The following EVL variants were observed in gnomAD, a reference collection of about 807,000 sequenced individuals.
The protein encoded by EVL is ena/VASP-like protein.
In EVL, 21 loss-of-function variants were observed where a neutral mutation model predicts 59.6. The ratio of observed to expected loss-of-function variants is 0.35; its 90% CI spans 0.25 to 0.51. EVL has a LOEUF of 0.51. Ranked by LOEUF, EVL falls within the 20% of genes least tolerant of loss-of-function variation. The probability of loss-of-function intolerance (pLI) is 0.97; values close to 1 mark genes in which losing one functional copy is unlikely to be tolerated. For synonymous variants in EVL, 198 were observed against 203.5 expected (o/e 0.97, Z 0.23); for missense variants, 462 against 546.6 (o/e 0.85, Z 1.54).
intron 1 of EVL, among the ~76,000 whole-genome samples, chr14:100,012,381 T>C (rs1045126012): frequency 6.6e-6 from 1 of 152,230 alleles, no homozygotes; most frequent in African/African-American, 2.4e-5. Flanking sequence ...TATATATTTC[T>C]TTATTGAATG....
intron 1 of EVL, among the ~76,000 whole-genome samples, chr14:100,058,340 T>C (rs781765333): frequency 2.0e-5 from 3 of 152,240 alleles, no homozygotes; most frequent in Non-Finnish European, 4.4e-5. Context: ...TTAATATCAG[T>C]ATCCTGTGTG....
intron 1 of EVL, among the ~76,000 whole-genome samples, chr14:100,083,980 A>T (rs751160924): frequency 3.9e-5 from 6 of 151,934 alleles, no homozygotes; most frequent in Non-Finnish European, 5.9e-5. Flanking sequence ...AAAATGGAGA[A>T]TGGAGGTAAT....
rs571146445 is a variant in EVL at position 100,128,827 on chromosome 14, C to T, written c.717+79C>T. On this transcript the variant is annotated intron_variant, in intron 6 of 13. Coordinates refer to ENST00000392920, the MANE Select transcript of EVL (RefSeq NM_016337.3). The stretch of plus-strand genomic sequence containing the variant: ...TCTGCAGAGCGCTTGTGTTCCTTCC[C>T]GCATCTGCGAGACACAGCAAACTGC... 5.6e-5 allele frequency: 72 copies of T among 1,290,128 alleles called. No individual in the cohort carries two copies. The African/African-American group carries it at 6.9e-4, about 12-fold the overall frequency. The allele number at this position is 1,290,128 out of a possible 1,614,324, so 79.9% of individuals were successfully genotyped here. A position where few individuals can be genotyped will look rare whatever the true frequency, so the allele number is the denominator to read the frequency against.
chr14:100,128,826 C>T, intron 6 of EVL, 78 bp downstream of exon 6: 1 of 1,303,020 alleles, frequency 7.7e-7, no homozygotes, highest in Non-Finnish European at 1.1e-6. Context: ...GTGTTCCTTC[C>T]CGCATCTGCG....
chr14:100,096,879 T>C (rs1166067988), intron 2 of EVL: 1 of 152,218 alleles, frequency 6.6e-6, no homozygotes, highest in Non-Finnish European at 1.5e-5. Flanking sequence ...TAATAAGATA[T>C]GAATAATGCT....
At chr14:100,122,722 G>C (rs1595220923) in intron 3 of EVL, among the ~76,000 whole-genome samples, 1 of 152,364 alleles carries the variant, frequency 6.6e-6, no homozygotes, top group East Asian at 1.9e-4. Context: ...TGACACCTGA[G>C]CTGGCAGAGA....
At chr14:99,990,943 T>TGTA (rs1380169008) in intron 1 of EVL, among the ~76,000 whole-genome samples, 1 of 152,152 alleles carries the variant, frequency 6.6e-6, no homozygotes, top group Non-Finnish European at 1.5e-5. Flanking sequence ...TATATATAGC[T>TGTA]GTATATATAT....
intron 1 of EVL, among the ~76,000 whole-genome samples, chr14:100,082,750 A>C (rs2062339459): frequency 6.6e-6 from 1 of 152,206 alleles, no homozygotes; most frequent in Non-Finnish European, 1.5e-5. Context: ...GAAAGGAGAA[A>C]GGCCAGGAAG....
At chr14:100,113,272 C>A (rs1264015138) in intron 3 of EVL, among the ~76,000 whole-genome samples, 1 of 152,146 alleles carries the variant, frequency 6.6e-6, no homozygotes. Flanking sequence ...CCTAGAAGGG[C>A]AGGCTTTGAG....
intron 1 of EVL, among the ~76,000 whole-genome samples, chr14:100,028,138 T>G (rs753203720): frequency 0.056 from 4,988 of 89,550 alleles, 115 homozygotes; most frequent in Non-Finnish European, 0.076. Context: ...TTGTTTGTTT[T>G]TTTTTTTTTT....
At chr14:100,055,070 A>G (rs1214164040) in intron 1 of EVL, among the ~76,000 whole-genome samples, 1 of 152,022 alleles carries the variant, frequency 6.6e-6, no homozygotes, top group Non-Finnish European at 1.5e-5. Flanking sequence ...ATTGTGGTGC[A>G]TGCCTGTAAT....
At chr14:100,137,843 G>T (rs1251420053) in intron 11 of EVL, 41 bp downstream of exon 11, 1 of 1,596,590 alleles carries the variant, frequency 6.3e-7, no homozygotes, top group African/African-American at 1.3e-5. Flanking sequence ...CCCAGGGTTT[G>T]GGGCTCCTCT....
Position 100,143,820 on chromosome 14 carries a change from G to A in EVL, c.*82G>A. On this transcript the variant is annotated 3_prime_UTR_variant, in exon 14 of 14. Transcript: ENST00000392920. ...GAAGCCCAGCCAGCCCCAGACTCCA[G>A]TGCACCAGAGCACGCACAGGAGCCT... is the stretch of plus-strand genomic sequence containing the variant. 6.5e-7 allele frequency: 1 copy of A among 1,534,502 alleles called. No homozygotes were observed. The highest frequency in any genetic ancestry group is 8.9e-7 in the Non-Finnish European group (1 of 1,126,070).
At chr14:100,037,170 AAAAG>A (rs930713251) in intron 1 of EVL, among the ~76,000 whole-genome samples, 3 of 152,192 alleles carry the variant, frequency 2.0e-5, no homozygotes, top group South Asian at 4.1e-4. Flanking sequence ...TTTTTCTTTC[AAAAG>A]AAAGAAAGAA....
chr14:100,066,874 C>T (rs568595258), intron 1 of EVL, among the ~76,000 whole-genome samples: 1 of 152,316 alleles, frequency 6.6e-6, no homozygotes, highest in South Asian at 2.1e-4. Flanking sequence ...ACCTTATTCT[C>T]CACTTCAGCC....
chr14:100,044,635 AC>A (rs1484576659), intron 1 of EVL, among the ~76,000 whole-genome samples: 17 of 152,210 alleles, frequency 1.1e-4, no homozygotes, highest in African/African-American at 4.1e-4. Flanking sequence ...CCACAGGCAG[AC>A]CTGGGGTATG....
At chr14:100,084,557 A>G in intron 1 of EVL, 130 bp from the exon 2 acceptor site, 1 of 903,090 alleles carries the variant, frequency 1.1e-6, no homozygotes, top group Non-Finnish European at 1.7e-6. Flanking sequence ...TCTTCCATAG[A>G]TGTTGGAAGT....
chr14:100,135,450 G>T (rs916277476), intron 8 of EVL: 1 of 163,256 alleles, frequency 6.1e-6, no homozygotes, highest in African/African-American at 2.4e-5. Context: ...TGCATGATGA[G>T]TGTTAGGTGT....
intron 11 of EVL, 138 bp downstream of exon 11, chr14:100,137,940 C>T (rs1054980749): frequency 4.6e-5 from 39 of 843,492 alleles, no homozygotes; most frequent in East Asian, 2.5e-5. Flanking sequence ...TCTGTTCTTT[C>T]AGACCCAGGA....
Sources: allele counts gnomAD v4.1 joint callset (sites outside exome capture counted in the v4.1 genomes callset), GRCh38; gene constraint gnomAD v4.1.1; transcripts MANE v1.5; gene names NCBI Gene and HGNC (gene_info 2026-07-23, HGNC 2026-07-21).